SUSD1: variants seen among roughly 807,000 people sequenced by gnomAD.
The protein encoded by SUSD1 is sushi domain-containing protein 1.
Under a neutral mutation model 86.9 loss-of-function variants are expected in SUSD1, and 65 were observed. The ratio of observed to expected loss-of-function variants is 0.75; its 90% CI spans 0.61 to 0.92. SUSD1 has a LOEUF of 0.92. Among genes scored for constraint, SUSD1 ranks in the 40% least tolerant of loss-of-function variants. The probability of loss-of-function intolerance (pLI) is 0.00; values close to 1 mark genes in which losing one functional copy is unlikely to be tolerated. For missense variants in SUSD1, 850 were observed against 929.7 expected, an observed-to-expected ratio of 0.91 and a Z score of 1.11; for synonymous variants, 346 against 350.0, an observed-to-expected ratio of 0.99 and a Z score of 0.13.
chr9:112,134,705 A>G (rs1289467182), intron 5 of SUSD1, among the ~76,000 whole-genome samples: 1 of 152,084 alleles, frequency 6.6e-6, no homozygotes, highest in African/African-American at 2.4e-5. Flanking sequence ...GCATTATGCA[A>G]TATACCATTG....
chr9:112,058,277 C>T, intron 14 of SUSD1, 151 bp downstream of exon 14: 2 of 1,024,926 alleles, frequency 2.0e-6, no homozygotes, highest in South Asian at 3.5e-5. Flanking sequence ...TTTCACCTGT[C>T]CCTTCTTCAT....
At chr9:112,078,793 C>CTTTTCCTT (rs1829637207) in intron 11 of SUSD1, 69 bp from the exon 12 acceptor site, 1 of 1,259,520 alleles carries the variant, frequency 7.9e-7, no homozygotes, top group Non-Finnish European at 1.1e-6. Flanking sequence ...GAAACCTCCC[C>CTTTTCCTT]TTTTCCTTTT....
At chr9:112,158,637 T>C (rs1833441955) in intron 1 of SUSD1, among the ~76,000 whole-genome samples, 1 of 152,116 alleles carries the variant, frequency 6.6e-6, no homozygotes, top group African/African-American at 2.4e-5. Context: ...AGGGATCCAC[T>C]GGCCTCAGCC....
Position 112,130,900 on chromosome 9 carries a change from G to A in SUSD1, c.707-6464C>T, listed in dbSNP as rs140746689. ...AGCCAGGCATTGGTGGCTCATGCCTGTAGTCCCAGCTACTTGGGAGGCTGA... is the reference window on the plus strand; with the variant it reads ...AGCCAGGCATTGGTGGCTCATGCCTATAGTCCCAGCTACTTGGGAGGCTGA... On this transcript the variant is annotated intron_variant, in intron 5 of 16. Transcript: ENST00000374270. Among the ~76,000 whole-genome samples, 638 of 151,894 alleles carry A rather than the reference G, an allele frequency of 4.2e-3. 3 individuals carry two copies. Among genetic ancestry groups the A allele is most frequent in the African/African-American group, 0.015 (620 of 41,374 alleles).
intron 3 of SUSD1, among the ~76,000 whole-genome samples, chr9:112,148,142 T>A (rs1266288198): frequency 1.3e-5 from 2 of 152,178 alleles, no homozygotes; most frequent in African/African-American, 4.8e-5. Context: ...CCTTTAAATA[T>A]CACGAAGCTT....
rs1406590665 is a variant in SUSD1 at position 112,115,808 on chromosome 9, C to CAAAAAAAAAA, written c.887-2950_887-2941dup. On this transcript the variant is annotated intron_variant, in intron 6 of 16. Transcript: ENST00000374270. ...TGGGCGGCAGAATGAGACTCCATTG[C>CAAAAAAAAAA]AAAAAAAAAAAAAAAGAAAAAAAAA... Among the ~76,000 whole-genome samples, 25 of 59,350 alleles carry CAAAAAAAAAA rather than the reference C, an allele frequency of 4.2e-4. 1 individual carries two copies. Among genetic ancestry groups the CAAAAAAAAAA allele is most frequent in the Non-Finnish European group, 6.7e-4 (20 of 29,798 alleles). 38.9% of individuals were successfully genotyped at this position (59,350 alleles called of 152,430 possible).
chr9:112,121,836 C>G (rs931371245), intron 6 of SUSD1, among the ~76,000 whole-genome samples: 11 of 152,206 alleles, frequency 7.2e-5, no homozygotes, highest in African/African-American at 2.7e-4. Flanking sequence ...TCAACCACCA[C>G]AAATGGTAAG....
At chr9:112,122,686 C>A (rs1050298959) in intron 6 of SUSD1, among the ~76,000 whole-genome samples, 1 of 152,178 alleles carries the variant, frequency 6.6e-6, no homozygotes, top group African/African-American at 2.4e-5. Flanking sequence ...ACACACATTT[C>A]ATAGCAGCAT....
At chr9:112,082,173 T>G (rs7046832) in intron 10 of SUSD1, among the ~76,000 whole-genome samples, 8,410 of 152,224 alleles carry the variant, frequency 0.055, 798 homozygotes, top group African/African-American at 0.19. Context: ...CAACTGCCAG[T>G]AAATCTAAGA....
chr9:112,100,857 G>GACACACACACACAC (rs5899985), intron 9 of SUSD1, among the ~76,000 whole-genome samples: 17,470 of 140,174 alleles, frequency 0.12, 1,210 homozygotes, highest in East Asian at 0.16. Flanking sequence ...ATTGTACCTG[G>GACACACACACACAC]ACACACACAC....
At chr9:112,098,190 A>G (rs1450584223) in intron 10 of SUSD1, among the ~76,000 whole-genome samples, 1 of 152,160 alleles carries the variant, frequency 6.6e-6, no homozygotes, top group African/African-American at 2.4e-5. Context: ...GGGGTGAGAG[A>G]TAAAATGCTT....
rs559800447 is a variant in SUSD1, at chr9:112,054,071, G to A, written c.2110-1633C>T. ...GGAGGCATGGCAATGCTATTTACTG[G>A]GACAGATACACAAAGGGAAAAACAA... On this transcript the variant is annotated intron_variant, in intron 14 of 16. Transcript: ENST00000374270. 2.0e-5 allele frequency among the ~76,000 whole-genome samples: 3 copies of A among 152,198 alleles called. No individual in the cohort carries two copies. The South Asian group carries it at 6.2e-4, about 32-fold the overall frequency.
chr9:112,173,682 T>C, intron 1 of SUSD1: 1 of 441,856 alleles, frequency 2.3e-6, no homozygotes, highest in South Asian at 1.8e-5. Flanking sequence ...TTTCCCAAGC[T>C]TGAGGTGGGC....
chr9:112,104,564 C>T (rs942568486), intron 8 of SUSD1, among the ~76,000 whole-genome samples: 5 of 152,038 alleles, frequency 3.3e-5, no homozygotes, highest in Non-Finnish European at 7.4e-5. Flanking sequence ...GCTGTAATGC[C>T]ATAAAGAAGC....
rs138520349 is a variant in SUSD1 at position 112,159,976 on chromosome 9, G to T, written c.104-2363C>A. On this transcript the variant is annotated intron_variant, in intron 1 of 16. Transcript: ENST00000374270. ...GGTTAGCATGTTTGGAAATCTCCCA[G>T]TCTCAGTTGGTTTGATGCCTAAAAA... 5.2e-3 allele frequency among the ~76,000 whole-genome samples: 781 copies of T among 151,520 alleles called. 7 individuals carry two copies. Among genetic ancestry groups the T allele is most frequent in the African/African-American group, 0.017 (682 of 41,292 alleles).
At chr9:112,136,241 A>G (rs1832258295) in intron 5 of SUSD1, among the ~76,000 whole-genome samples, 1 of 152,036 alleles carries the variant, frequency 6.6e-6, no homozygotes, top group Non-Finnish European at 1.5e-5. Context: ...TTTATTTTGA[A>G]AATTTTTGTA....
chr9:112,154,680 T>C (rs10981287), intron 2 of SUSD1, among the ~76,000 whole-genome samples: 25,388 of 152,160 alleles, frequency 0.17, 2,294 homozygotes, highest in East Asian at 0.34. Flanking sequence ...AAATGGAATA[T>C]TCCTGTCCTT....
chr9:112,064,128 AC>A (rs1341484132), intron 12 of SUSD1, among the ~76,000 whole-genome samples: 99 of 151,862 alleles, frequency 6.5e-4, no homozygotes, highest in African/African-American at 2.2e-3. Context: ...CTCTAGGCAA[AC>A]CTGAGTCACC....
At chr9:112,104,918 A>T (rs765061575) in intron 8 of SUSD1, 6 of 152,220 alleles carry the variant, frequency 3.9e-5, no homozygotes, top group African/African-American at 1.2e-4. Flanking sequence ...AAGAATGAGC[A>T]TATTTATAAA....
Sources: allele counts gnomAD v4.1 joint callset (sites outside exome capture counted in the v4.1 genomes callset), GRCh38; gene constraint gnomAD v4.1.1; transcripts MANE v1.5; gene names NCBI Gene and HGNC (gene_info 2026-07-23, HGNC 2026-07-21).